The following TMEM63C variants were observed in gnomAD, a reference collection of about 807,000 sequenced individuals.
TMEM63C encodes the protein osmosensitive cation channel TMEM63C.
Under a neutral mutation model 99.2 loss-of-function variants are expected in TMEM63C, and 32 were observed. The observed-to-expected ratio is 0.32, with a 90% CI of 0.24 to 0.43. The LOEUF is 0.43. Ranked by LOEUF, TMEM63C falls within the 20% of genes least tolerant of loss-of-function variation. The probability of loss-of-function intolerance (pLI) is 1.00; values close to 1 mark genes in which losing one functional copy is unlikely to be tolerated. For missense variants in TMEM63C, 826 were observed against 1,053.0 expected (o/e 0.78, Z 2.98); for synonymous variants, 376 against 397.9 (o/e 0.94, Z 0.66).
intron 1 of TMEM63C, among the ~76,000 whole-genome samples, chr14:77,193,992 G>C (rs117572807): frequency 6.6e-6 from 1 of 152,100 alleles, no homozygotes; most frequent in Non-Finnish European, 1.5e-5. Context: ...AGAGTATGAC[G>C]CTGTCTCAAA....
At chr14:77,231,514 C>T (rs1888940561) in intron 6 of TMEM63C, 74 bp from the exon 7 acceptor site, 1 of 1,513,198 alleles carries the variant, frequency 6.6e-7, no homozygotes, top group Admixed American at 2.0e-5. Context: ...TTCTGCCCTT[C>T]CCTCTACCTC....
Position 77,256,600 on chromosome 14 carries a change from T to C in TMEM63C, c.2295T>C (p.Tyr765=), listed in dbSNP as rs1889466063. The change falls in exon 24 of 24, where the codon TAT becomes TAC. Residue 765 remains tyrosine (Y), a synonymous_variant. Coordinates refer to ENST00000298351, the MANE Select transcript of TMEM63C (RefSeq NM_020431.4). ...CCTCCTCCCCAGCCAGGCACACCTATGGCACCATGAACAACCAGCCGGAAG... is the reference window on the plus strand; with the variant it reads ...CCTCCTCCCCAGCCAGGCACACCTACGGCACCATGAACAACCAGCCGGAAG... ...TPASSPARHT[Y]GTMNNQPEEG... 2 of 1,614,002 alleles carry C rather than the reference T, an allele frequency of 1.2e-6. No homozygotes were observed. Among genetic ancestry groups the C allele is most frequent in the Non-Finnish European group, 1.7e-6 (2 of 1,179,894 alleles).
chr14:77,182,710 A>G (rs1303768575), intron 1 of TMEM63C, among the ~76,000 whole-genome samples: 1 of 152,162 alleles, frequency 6.6e-6, no homozygotes, highest in Non-Finnish European at 1.5e-5. Flanking sequence ...ATGGGGCTCC[A>G]GGGTATCATG....
chr14:77,238,607 C>G lies in TMEM63C; in HGVS notation c.652-87C>G, dbSNP rs1889103438. ...TCAGCAGCCTGCTGTGAGCAGAAGGCCTGCTCTGAGCCACCAAAAGACTGA... is the reference window on the plus strand; with the variant it reads ...TCAGCAGCCTGCTGTGAGCAGAAGGGCTGCTCTGAGCCACCAAAAGACTGA... On this transcript the variant is annotated intron_variant, in intron 9 of 23. Coordinates refer to ENST00000298351, the MANE Select transcript of TMEM63C (RefSeq NM_020431.4). 25 of 1,066,558 alleles carry G rather than the reference C, an allele frequency of 2.3e-5. No homozygotes were observed. The South Asian group carries it at 3.3e-4, about 14-fold the overall frequency. The allele number at this position is 1,066,558 out of a possible 1,614,324, so 66.1% of individuals were successfully genotyped here.
Position 77,211,370 on chromosome 14 carries a change from A to G in TMEM63C, c.-76-2076A>G, listed in dbSNP as rs78844263. On this transcript the variant is annotated intron_variant, in intron 1 of 23. Transcript: ENST00000298351. ...TAGGCCTTAATTTTCTCTTGCATTT[A>G]GGGATGGTTCTCATACCCTAGGGTA... Among the ~76,000 whole-genome samples the G allele has an allele frequency of 1.7e-3, 260 of 152,348 alleles. 1 individual carries two copies. Among genetic ancestry groups the G allele is most frequent in the African/African-American group, 6.2e-3 (256 of 41,574 alleles).
chr14:77,197,227 C>T (rs1457646314), intron 1 of TMEM63C, among the ~76,000 whole-genome samples: 2 of 152,216 alleles, frequency 1.3e-5, no homozygotes, highest in Non-Finnish European at 2.9e-5. Context: ...CCAAGAGCAT[C>T]GTGATTGTTG....
chr14:77,242,336 C>T lies in TMEM63C; in HGVS notation c.1065-11C>T. On this transcript the variant is annotated splice_polypyrimidine_tract_variant and intron_variant, in intron 13 of 23. Transcript: ENST00000298351. ...AGACCCACATTTCTTCCTCTTCTCC[C>T]CTCTCTGCAGTGTCCGTAAGGATTA... 6.2e-7 allele frequency: 1 copy of T among 1,608,132 alleles called. No homozygotes were observed. Among genetic ancestry groups the T allele is most frequent in the Non-Finnish European group, 8.5e-7 (1 of 1,176,118 alleles).
At chr14:77,187,558 CTT>C (rs1888024033) in intron 1 of TMEM63C, among the ~76,000 whole-genome samples, 1 of 152,216 alleles carries the variant, frequency 6.6e-6, no homozygotes. Flanking sequence ...ATACATGCAG[CTT>C]GTGCTGCACG....
intron 6 of TMEM63C, among the ~76,000 whole-genome samples, chr14:77,226,095 C>A (rs931134737): frequency 3.9e-5 from 6 of 152,212 alleles, no homozygotes; most frequent in African/African-American, 1.4e-4. Context: ...ACTGCGTAGG[C>A]ATACACACAT....
intron 6 of TMEM63C, among the ~76,000 whole-genome samples, chr14:77,226,732 G>A (rs944183610): frequency 6.6e-6 from 1 of 151,744 alleles, no homozygotes; most frequent in Non-Finnish European, 1.5e-5. Context: ...TGTGGCGGGG[G>A]AGGGTAAAAG....
Position 77,256,833 on chromosome 14 carries a change from T to C in TMEM63C, c.*107T>C. On this transcript the variant is annotated 3_prime_UTR_variant, in exon 24 of 24. Transcript: ENST00000298351. ...CCTCCCCACTACCTCCTGCAGACTT[T>C]GAGAAGCCCACAGTGGAGACATCCA... is the stretch of plus-strand genomic sequence containing the variant. 2 of 1,073,862 alleles carry C rather than the reference T, an allele frequency of 1.9e-6. No individual in the cohort carries two copies. Among genetic ancestry groups the C allele is most frequent in the Non-Finnish European group, 2.7e-6 (2 of 744,780 alleles). 66.5% of individuals were successfully genotyped at this position (1,073,862 alleles called of 1,614,324 possible).
At chr14:77,213,707 T>G (rs1010940090) in intron 2 of TMEM63C, 199 bp downstream of exon 2, 1 of 152,274 alleles carries the variant, frequency 6.6e-6, no homozygotes, top group Non-Finnish European at 1.5e-5. Context: ...TGGCTGCTAC[T>G]CTGATGCTCT....
chr14:77,216,420 G>A (rs1458255516), intron 2 of TMEM63C, among the ~76,000 whole-genome samples: 6 of 152,106 alleles, frequency 3.9e-5, no homozygotes, highest in Non-Finnish European at 1.5e-5. Context: ...TTGTCGCTAT[G>A]CCAGTGGCTT....
At chr14:77,211,896 C>T (rs1888502745) in intron 1 of TMEM63C, among the ~76,000 whole-genome samples, 1 of 152,238 alleles carries the variant, frequency 6.6e-6, no homozygotes, top group Admixed American at 6.5e-5. Flanking sequence ...TCATCTCCCA[C>T]TGCCCCTCCT....
chr14:77,239,324 C>T lies in TMEM63C; in HGVS notation c.726-88C>T, dbSNP rs574373502. On this transcript the variant is annotated intron_variant, in intron 10 of 23. Transcript: ENST00000298351. ...AACACCAGGCAGCTGAGCCACCCAG[C>T]CCTCAGGGCCGACATGCTGGGCAGG... is the stretch of plus-strand genomic sequence containing the variant. 18 of 1,371,432 alleles carry T rather than the reference C, an allele frequency of 1.3e-5. No homozygotes were observed. In the South Asian group the frequency reaches 1.9e-4, roughly 15 times the overall value. The allele number at this position is 1,371,432 out of a possible 1,614,324, so 85.0% of individuals were successfully genotyped here.
Position 77,217,550 on chromosome 14 carries a change from G to A in TMEM63C, c.-13-1251G>A, listed in dbSNP as rs1439345133. ...ATGAGTCTACTTTTCTCGAATGGAA[G>A]TGAAGGGTTTCCAGGTAGAGGTGAG... On this transcript the variant is annotated intron_variant, in intron 2 of 23. Transcript: ENST00000298351. 2.0e-5 allele frequency among the ~76,000 whole-genome samples: 3 copies of A among 152,268 alleles called. No individual in the cohort carries two copies. In the East Asian group the frequency reaches 5.8e-4, roughly 29 times the overall value.
At chr14:77,202,140 G>T (rs527483891) in intron 1 of TMEM63C, among the ~76,000 whole-genome samples, 1 of 152,136 alleles carries the variant, frequency 6.6e-6, no homozygotes, top group African/African-American at 2.4e-5. Context: ...TCACACAAGC[G>T]CCAAAACACA....
At chr14:77,249,861 A>G (rs1366032740) in intron 21 of TMEM63C, among the ~76,000 whole-genome samples, 1 of 152,098 alleles carries the variant, frequency 6.6e-6, no homozygotes, top group Non-Finnish European at 1.5e-5. Context: ...TTGAATCAGA[A>G]TCTTGCTCTG....
chr14:77,200,576 C>T (rs997146906), intron 1 of TMEM63C, among the ~76,000 whole-genome samples: 17 of 152,212 alleles, frequency 1.1e-4, no homozygotes, highest in African/African-American at 4.1e-4. Flanking sequence ...GTGGCTCTGG[C>T]CCTATTTAGA....
Sources: gnomAD v4.1 joint callset for allele counts (sites outside exome capture counted in the v4.1 genomes callset) on GRCh38, gnomAD v4.1.1 for gene constraint, MANE v1.5 for transcripts, NCBI Gene and HGNC (gene_info 2026-07-23, HGNC 2026-07-21) for gene names.